WDR70: variants seen among roughly 807,000 people sequenced by gnomAD.
The protein encoded by WDR70 is WD repeat-containing protein 70.
A neutral mutation model predicts 88.6 loss-of-function variants in WDR70; 53 were observed. The ratio of observed to expected loss-of-function variants is 0.60; its 90% confidence interval spans 0.48 to 0.75. The LOEUF (loss-of-function observed/expected upper bound fraction) is 0.75, where lower values mean the gene tolerates loss of function less well. Among genes scored for constraint, WDR70 ranks in the 30% least tolerant of loss-of-function variants. WDR70 has a pLI of 0.00. For missense variants in WDR70, 610 were observed against 823.2 expected, an observed-to-expected ratio of 0.74 and a Z score of 3.17; for synonymous variants, 280 against 270.0, an observed-to-expected ratio of 1.04 and a Z score of -0.36.
At position 37,450,191 on chromosome 5, in the gene WDR70, A is replaced by G. The variant is rs141067917; in HGVS notation, c.686+6819A>G. On this transcript the variant is annotated intron_variant, in intron 7 of 17. Coordinates refer to ENST00000265107, the MANE Select transcript of WDR70 (RefSeq NM_018034.4). ...GTTCCAAGTCTTTGCTATTGTGAAC[A>G]GTGCTGCAATAAACATATGTGTGCA... is the stretch of plus-strand genomic sequence containing the variant. Among the ~76,000 whole-genome samples, 393 of 152,310 alleles carry G rather than the reference A, an allele frequency of 2.6e-3. 13 individuals carry two copies. In the East Asian group the frequency reaches 0.067, roughly 26 times the overall value.
At chr5:37,637,593 G>A (rs746632831) in intron 10 of WDR70, among the ~76,000 whole-genome samples, 3 of 152,038 alleles carry the variant, frequency 2.0e-5, no homozygotes, top group Non-Finnish European at 4.4e-5. Context: ...GTAAACTTTT[G>A]GTCTTTAACA....
At chr5:37,562,666 C>T (rs1742551236) in intron 9 of WDR70, among the ~76,000 whole-genome samples, 1 of 152,224 alleles carries the variant, frequency 6.6e-6, no homozygotes, top group South Asian at 2.1e-4. Context: ...AGCATGCTGC[C>T]TTCAAGCATC....
In WDR70 at chr5:37,506,151, C is replaced by T. The variant is rs183708256; in HGVS notation, c.841-10363C>T. On this transcript the variant is annotated intron_variant, in intron 8 of 17. Transcript: ENST00000265107. ...ATTGGCCATTTTGAAGTTAATGTATCGAAGGTCCTAACGAGAAACATCAGC... is the reference window on the plus strand; with the variant it reads ...ATTGGCCATTTTGAAGTTAATGTATTGAAGGTCCTAACGAGAAACATCAGC... 999 of 1,065,330 alleles carry T rather than the reference C, an allele frequency of 9.4e-4. 5 individuals carry two copies. The highest frequency in any genetic ancestry group is 5.3e-4 in the Non-Finnish European group (364 of 680,510). The allele number at this position is 1,065,330 out of a possible 1,614,324, so 66.0% of individuals were successfully genotyped here.
At chr5:37,647,920 C>T (rs1038695964) in intron 10 of WDR70, among the ~76,000 whole-genome samples, 1 of 152,062 alleles carries the variant, frequency 6.6e-6, no homozygotes, top group Non-Finnish European at 1.5e-5. Context: ...GAAAAACTAC[C>T]GTTTATAAAA....
intron 9 of WDR70, among the ~76,000 whole-genome samples, chr5:37,586,101 C>T (rs1214170336): frequency 1.3e-5 from 2 of 152,174 alleles, no homozygotes; most frequent in African/African-American, 2.4e-5. Context: ...ATTTAGGAGC[C>T]AAATCGAGTG....
intron 9 of WDR70, among the ~76,000 whole-genome samples, chr5:37,554,108 CTTT>C (rs75489460): frequency 3.7e-5 from 5 of 134,420 alleles, no homozygotes; most frequent in Admixed American, 7.5e-5. Flanking sequence ...TGCAATACTC[CTTT>C]TTTTTTTTTT....
intron 13 of WDR70, among the ~76,000 whole-genome samples, chr5:37,716,597 G>A (rs1561088294): frequency 6.6e-6 from 1 of 152,156 alleles, no homozygotes; most frequent in Non-Finnish European, 1.5e-5. Flanking sequence ...CCTTGGGAAA[G>A]TTACCACTCT....
intron 10 of WDR70, among the ~76,000 whole-genome samples, chr5:37,670,850 T>C (rs1011585713): frequency 6.6e-6 from 1 of 152,220 alleles, no homozygotes; most frequent in Non-Finnish European, 1.5e-5. Context: ...TTTTGTTCAC[T>C]GCTATATCGC....
intron 5 of WDR70, among the ~76,000 whole-genome samples, chr5:37,428,015 T>A (rs968564619): frequency 2.0e-5 from 3 of 151,968 alleles, no homozygotes; most frequent in Non-Finnish European, 4.4e-5. Context: ...TCCTTTTTTT[T>A]TTTTTTCCCT....
chr5:37,629,162 A>C (rs1173818674), intron 10 of WDR70, among the ~76,000 whole-genome samples: 1 of 151,926 alleles, frequency 6.6e-6, no homozygotes, highest in Non-Finnish European at 1.5e-5. Flanking sequence ...CCTAATGGAG[A>C]TTCCCTTATT....
intron 10 of WDR70, among the ~76,000 whole-genome samples, chr5:37,673,584 C>CCA (rs59675483): frequency 3.9e-4 from 4 of 10,372 alleles, no homozygotes; most frequent in South Asian, 0.011. Flanking sequence ...ACTTTTCTTA[C>CCA]CCCCCCCCCA....
In WDR70 at chr5:37,517,618, C is replaced by T. The variant is rs372612911; in HGVS notation, c.917+1028C>T. Among the ~76,000 whole-genome samples, 8 of 151,894 alleles carry T rather than the reference C, an allele frequency of 5.3e-5. No homozygotes were observed. In the East Asian group the frequency reaches 7.8e-4, roughly 15 times the overall value. ...CTGACCTCAGGTGATCCACCTGCCT[C>T]GGCCTCCCAAAGTGCTGGGATTATA... On this transcript the variant is annotated intron_variant, in intron 9 of 17. Transcript: ENST00000265107.
At chr5:37,700,827 T>A (rs748690633) in intron 11 of WDR70, among the ~76,000 whole-genome samples, 3 of 152,206 alleles carry the variant, frequency 2.0e-5, no homozygotes, top group Non-Finnish European at 4.4e-5. Context: ...CAAATAGCTT[T>A]CAACTGCTCT....
intron 10 of WDR70, among the ~76,000 whole-genome samples, chr5:37,658,095 G>GA (rs1355352147): frequency 6.6e-6 from 1 of 151,896 alleles, no homozygotes; most frequent in African/African-American, 2.4e-5. Flanking sequence ...TAATAAGGAA[G>GA]AAAAAACATA....
At chr5:37,466,145 G>T (rs1222876699) in intron 7 of WDR70, among the ~76,000 whole-genome samples, 1 of 152,208 alleles carries the variant, frequency 6.6e-6, no homozygotes, top group Non-Finnish European at 1.5e-5. Flanking sequence ...ATTTGTGACT[G>T]CAAGTCACTT....
At chr5:37,560,085 T>C (rs1742454936) in intron 9 of WDR70, among the ~76,000 whole-genome samples, 1 of 152,164 alleles carries the variant, frequency 6.6e-6, no homozygotes, top group Non-Finnish European at 1.5e-5. Context: ...ATATTTTAGT[T>C]AGCCAACTTA....
chr5:37,512,468 CT>C (rs1257375565), intron 8 of WDR70, among the ~76,000 whole-genome samples: 3 of 152,056 alleles, frequency 2.0e-5, no homozygotes, highest in Non-Finnish European at 4.4e-5. Flanking sequence ...ATCTGCCTGC[CT>C]TGGCCTCCCA....
At chr5:37,742,455 T>A (rs1338680126) in intron 17 of WDR70, among the ~76,000 whole-genome samples, 1 of 152,128 alleles carries the variant, frequency 6.6e-6, no homozygotes, top group East Asian at 1.9e-4. Context: ...TTGTTGTTGT[T>A]GTAGGAGTTC....
chr5:37,743,369 A>G (rs1748542182), intron 17 of WDR70, among the ~76,000 whole-genome samples: 1 of 152,212 alleles, frequency 6.6e-6, no homozygotes, highest in Non-Finnish European at 1.5e-5. Flanking sequence ...AGATGTGCAG[A>G]TTCTTACAGC....
Sources: gnomAD v4.1 joint callset for allele counts (sites outside exome capture counted in the v4.1 genomes callset) on GRCh38, gnomAD v4.1.1 for gene constraint, MANE v1.5 for transcripts, NCBI Gene and HGNC (gene_info 2026-07-23, HGNC 2026-07-21) for gene names.